The following MAGI1 variants were observed in gnomAD, a reference collection of about 807,000 sequenced individuals.
The protein encoded by MAGI1 is membrane-associated guanylate kinase, WW and PDZ domain-containing protein 1.
Under a neutral mutation model 139.9 loss-of-function variants are expected in MAGI1, and 58 were observed. That is an observed-to-expected ratio of 0.41 (90% CI 0.34 to 0.52). The LOEUF (loss-of-function observed/expected upper bound fraction) is 0.52. Among genes scored for constraint, MAGI1 ranks in the 20% least tolerant of loss-of-function variants. The pLI, the probability that MAGI1 is intolerant of heterozygous loss-of-function variation, is 0.12. For synonymous variants in MAGI1, 812 were observed against 737.9 expected (o/e 1.10, Z -1.63); for missense variants, 1,874 against 1,901.6 (o/e 0.99, Z 0.27).
chr3:65,729,031 T>G (rs73832936), intron 1 of MAGI1, among the ~76,000 whole-genome samples: 1,685 of 148,404 alleles, frequency 0.011, 31 homozygotes, highest in African/African-American at 0.04. Flanking sequence ...TTTGCAAAAA[T>G]TTGGACCTGG....
intron 1 of MAGI1, among the ~76,000 whole-genome samples, chr3:65,736,631 C>T (rs2034760774): frequency 6.6e-6 from 1 of 152,142 alleles, no homozygotes; most frequent in Admixed American, 6.5e-5. Context: ...ACCAAGAGCT[C>T]CAATGTCCAA....
chr3:65,930,752 C>T (rs1576119429), intron 1 of MAGI1, among the ~76,000 whole-genome samples: 3 of 146,564 alleles, frequency 2.0e-5, no homozygotes, highest in Admixed American at 2.0e-4. Flanking sequence ...GTCCTCCTAA[C>T]TGCTCATTAT....
intron 6 of MAGI1, 51 bp from the exon 7 acceptor site, chr3:65,448,108 TCA>T: frequency 1.3e-6 from 2 of 1,538,200 alleles, no homozygotes; most frequent in Non-Finnish European, 1.8e-6. Context: ...AAAGCAAAAT[TCA>T]GACACCAGCA....
At chr3:65,579,359 T>C (rs935124642) in intron 2 of MAGI1, among the ~76,000 whole-genome samples, 2 of 152,138 alleles carry the variant, frequency 1.3e-5, no homozygotes, top group African/African-American at 4.8e-5. Context: ...CTGCCACATA[T>C]TTGGGCCTTA....
chr3:65,985,033 T>A lies in MAGI1; in HGVS notation c.313+52963A>T, dbSNP rs151065420. ...TCCAGTTCTCTGTAGTAGCCCTTCC[T>A]ACCCCAGCTTTGGTACTGATGTCAA... On this transcript the variant is annotated intron_variant, in intron 1 of 22. Coordinates refer to ENST00000402939, the MANE Select transcript of MAGI1 (RefSeq NM_001033057.2). Among the ~76,000 whole-genome samples, 1,473 of 152,332 alleles carry A rather than the reference T, an allele frequency of 9.7e-3. 68 individuals are homozygous for A. The highest frequency in any genetic ancestry group is 0.086 in the Admixed American group (1,314 of 15,300).
chr3:65,844,657 G>C (rs2058922649), intron 1 of MAGI1, among the ~76,000 whole-genome samples: 1 of 152,072 alleles, frequency 6.6e-6, no homozygotes, highest in Non-Finnish European at 1.5e-5. Context: ...CATACTTCAG[G>C]AACAGGGGTC....
At chr3:65,869,491 C>G (rs1034306753) in intron 1 of MAGI1, among the ~76,000 whole-genome samples, 2 of 150,810 alleles carry the variant, frequency 1.3e-5, no homozygotes, top group South Asian at 2.1e-4. Context: ...AGCTCCACCC[C>G]CCAGGTTCAC....
intron 1 of MAGI1, among the ~76,000 whole-genome samples, chr3:65,791,504 A>T (rs2039768689): frequency 1.3e-5 from 2 of 152,236 alleles, no homozygotes; most frequent in African/African-American, 4.8e-5. Flanking sequence ...GAGAATATTT[A>T]TTATACTGGA....
chr3:65,744,751 C>T (rs1337001286), intron 1 of MAGI1, among the ~76,000 whole-genome samples: 3 of 151,374 alleles, frequency 2.0e-5, no homozygotes, highest in African/African-American at 7.3e-5. Flanking sequence ...GTGAAATCTC[C>T]GAGGGGTGGG....
intron 1 of MAGI1, among the ~76,000 whole-genome samples, chr3:65,731,354 C>G (rs956075223): frequency 1.3e-4 from 20 of 152,150 alleles, no homozygotes; most frequent in African/African-American, 4.1e-4. Flanking sequence ...ATTCTAACAG[C>G]ATTTAAGGAA....
chr3:65,727,080 G>A (rs2033703545), intron 1 of MAGI1, among the ~76,000 whole-genome samples: 2 of 152,082 alleles, frequency 1.3e-5, no homozygotes. Context: ...CAAAATATAT[G>A]GGATGGAGAA....
At chr3:65,926,587 A>C (rs1217902460) in intron 1 of MAGI1, among the ~76,000 whole-genome samples, 2 of 152,176 alleles carry the variant, frequency 1.3e-5, no homozygotes, top group Non-Finnish European at 2.9e-5. Flanking sequence ...GCCAGCCAAA[A>C]CCTACCAAAA....
chr3:65,442,954 T>C, intron 7 of MAGI1, 105 bp from the exon 8 acceptor site: 1 of 797,902 alleles, frequency 1.3e-6, no homozygotes, highest in Non-Finnish European at 2.1e-6. Flanking sequence ...ATAAAAATGC[T>C]TTAAATCCAA....
chr3:65,555,466 T>C (rs1408442397), intron 2 of MAGI1, among the ~76,000 whole-genome samples: 1 of 151,972 alleles, frequency 6.6e-6, no homozygotes, highest in Non-Finnish European at 1.5e-5. Context: ...GATGGGGAGG[T>C]GAGCTCCTAT....
intron 12 of MAGI1, among the ~76,000 whole-genome samples, chr3:65,409,611 G>A (rs550927068): frequency 3.3e-5 from 5 of 150,436 alleles, no homozygotes; most frequent in South Asian, 2.2e-4. Context: ...ATGAAAAAAC[G>A]ATCCCAGTTT....
intron 1 of MAGI1, among the ~76,000 whole-genome samples, chr3:65,701,280 C>G (rs559247445): frequency 6.6e-6 from 1 of 152,262 alleles, no homozygotes; most frequent in South Asian, 2.1e-4. Context: ...GAGACAGAGT[C>G]TTGCTCTTGT....
chr3:65,719,340 A>G (rs1326195026), intron 1 of MAGI1, among the ~76,000 whole-genome samples: 1 of 151,652 alleles, frequency 6.6e-6, no homozygotes, highest in East Asian at 1.9e-4. Flanking sequence ...TACCATATAT[A>G]CATTTTTGTA....
At chr3:65,750,943 TG>T (rs1289160784) in intron 1 of MAGI1, among the ~76,000 whole-genome samples, 1 of 152,212 alleles carries the variant, frequency 6.6e-6, no homozygotes, top group African/African-American at 2.4e-5. Flanking sequence ...CAAAGTGGCT[TG>T]AAACCTTTCT....
At chr3:65,686,599 T>G (rs2088055820) in intron 1 of MAGI1, among the ~76,000 whole-genome samples, 1 of 152,082 alleles carries the variant, frequency 6.6e-6, no homozygotes, top group African/African-American at 2.4e-5. Context: ...CCCTGTAGGG[T>G]TGTTTTCTAA....
Sources: gnomAD v4.1 joint callset for allele counts (sites outside exome capture counted in the v4.1 genomes callset) on GRCh38, gnomAD v4.1.1 for gene constraint, MANE v1.5 for transcripts, NCBI Gene and HGNC (gene_info 2026-07-23, HGNC 2026-07-21) for gene names.